Variants in PPP2R5C observed in about 807,000 individuals in gnomAD.
The protein encoded by PPP2R5C is serine/threonine-protein phosphatase 2A 56 kDa regulatory subunit gamma isoform.
In PPP2R5C, 7 loss-of-function variants were observed where a neutral mutation model predicts 68.9. The observed-to-expected ratio is 0.10, with a 90% CI of 0.06 to 0.19. PPP2R5C has a LOEUF of 0.19. Ranked by LOEUF, PPP2R5C falls within the 10% of genes least tolerant of loss-of-function variation. The pLI, the probability that PPP2R5C is intolerant of heterozygous loss-of-function variation, is 1.00. For missense variants in PPP2R5C, 348 were observed against 641.3 expected, an observed-to-expected ratio of 0.54 and a Z score of 4.94; for synonymous variants, 210 against 222.2, an observed-to-expected ratio of 0.95 and a Z score of 0.49.
At chr14:101,854,944 T>G (rs1415446414) in intron 1 of PPP2R5C, among the ~76,000 whole-genome samples, 1 of 152,142 alleles carries the variant, frequency 6.6e-6, no homozygotes, top group Non-Finnish European at 1.5e-5. Flanking sequence ...CCAAGGCAAG[T>G]GGATCACTTG....
intron 3 of PPP2R5C, among the ~76,000 whole-genome samples, chr14:101,793,720 A>C (rs546592828): frequency 3.3e-5 from 5 of 152,330 alleles, no homozygotes; most frequent in African/African-American, 1.2e-4. Flanking sequence ...ACCCATACTC[A>C]TGGCACCCAA....
At chr14:101,924,354 A>G (rs188081421) in intron 13 of PPP2R5C, among the ~76,000 whole-genome samples, 1 of 151,696 alleles carries the variant, frequency 6.6e-6, no homozygotes, top group African/African-American at 2.4e-5. Context: ...AAGAGAGTAT[A>G]TATTTTTTTC....
rs10588262 is a variant in PPP2R5C at position 101,825,211 on chromosome 14, CGTGTGTGTGTGTGTGTGTGTGTGTGT to C, written c.94+15188_94+15213del. ...AGGGATAGGATAAGAGGGTTTTCAG[CGTGTGTGTGTGTGTGTGTGTGTGTGT>C]GTGTGTGTGTGTTGATGAATTTATT... On this transcript the variant is annotated intron_variant, in intron 1 of 13. Coordinates refer to ENST00000334743, the Ensembl canonical transcript of PPP2R5C. The surrounding 1 kb of genome is among the most constrained non-coding windows in gnomAD (Gnocchi z 4.0). Among the ~76,000 whole-genome samples, 1 of 143,004 alleles carries C rather than the reference CGTGTGTGTGTGTGTGTGTGTGTGTGT, an allele frequency of 7.0e-6. No individual in the cohort carries two copies. Among genetic ancestry groups the C allele is most frequent in the Non-Finnish European group, 1.5e-5 (1 of 65,236 alleles). The allele number at this position is 143,004 out of a possible 152,430, so 93.8% of individuals were successfully genotyped here.
intron 1 of PPP2R5C, among the ~76,000 whole-genome samples, chr14:101,853,713 T>C (rs539662637): frequency 1.3e-5 from 2 of 152,320 alleles, no homozygotes; most frequent in South Asian, 2.1e-4. Flanking sequence ...ACCGTGGCCT[T>C]AGGCAAGCTG....
chr14:101,812,444 AG>A (rs947105408), intron 1 of PPP2R5C, among the ~76,000 whole-genome samples: 2 of 152,194 alleles, frequency 1.3e-5, no homozygotes, highest in African/African-American at 4.8e-5. Context: ...TTTAGGAAGG[AG>A]GGGTCTTTCC....
intron 1 of PPP2R5C, among the ~76,000 whole-genome samples, chr14:101,840,482 CAAAAAAAAAAAAAA>C (rs10611025): frequency 5.4e-4 from 28 of 51,864 alleles, no homozygotes; most frequent in Admixed American, 9.0e-4. Flanking sequence ...CCCCCACCAC[CAAAAAAAAAAAAAA>C]AAAAAAAAAA....
intron 13 of PPP2R5C, chr14:101,921,054 C>CTTTTTTTTTTTTTTTTTTTTTTTTTTTTT (rs35320139): frequency 1.9e-5 from 1 of 53,356 alleles, no homozygotes; most frequent in Non-Finnish European, 3.6e-5. Flanking sequence ...ATAAATTCTG[C>CTTTTTTTTTTTTTTTTTTTTTTTTTTTTT]TTTTTTTTTT....
chr14:101,836,591 G>T, intron 1 of PPP2R5C: 1 of 512,400 alleles, frequency 2.0e-6, no homozygotes. Flanking sequence ...GGTGTTGCAT[G>T]CATTTTTCTA....
At chr14:101,821,505 T>A (rs1235614792) in intron 1 of PPP2R5C, among the ~76,000 whole-genome samples, 4 of 151,402 alleles carry the variant, frequency 2.6e-5, no homozygotes, top group Admixed American at 6.6e-5. Context: ...ATAAATAATA[T>A]AAATATGTAT....
intron 2 of PPP2R5C, among the ~76,000 whole-genome samples, chr14:101,775,773 G>A (rs2037386326): frequency 6.6e-6 from 1 of 152,036 alleles, no homozygotes; most frequent in Non-Finnish European, 1.5e-5. Context: ...GGCCCTTCTG[G>A]GCAACACCTT....
chr14:101,784,702 G>C (rs192180807), intron 2 of PPP2R5C, among the ~76,000 whole-genome samples: 2 of 152,340 alleles, frequency 1.3e-5, no homozygotes, highest in African/African-American at 4.8e-5. Flanking sequence ...GTCTCAGAGA[G>C]TGACAGCCTT....
chr14:101,833,383 A>T (rs976933154), intron 1 of PPP2R5C: 1 of 152,360 alleles, frequency 6.6e-6, no homozygotes, highest in East Asian at 1.9e-4. Flanking sequence ...CAAATGTTTG[A>T]AGAAGATAGG....
chr14:101,847,592 G>C (rs1032865590), intron 1 of PPP2R5C, among the ~76,000 whole-genome samples: 4 of 151,560 alleles, frequency 2.6e-5, no homozygotes, highest in Admixed American at 6.6e-5. Context: ...AGTGCCTGGC[G>C]TGTATGTATG....
intron 3 of PPP2R5C, among the ~76,000 whole-genome samples, chr14:101,794,555 G>T (rs537199635): frequency 2.2e-4 from 34 of 152,224 alleles, no homozygotes; most frequent in Admixed American, 1.5e-3. Context: ...TTTTTATTGG[G>T]ATCCTGTTAC....
intron 5 of PPP2R5C, chr14:101,889,827 T>A: frequency 2.7e-6 from 1 of 376,496 alleles, no homozygotes; most frequent in Non-Finnish European, 5.2e-6. Flanking sequence ...CATTGGCCTA[T>A]GTTGAAATAC....
At chr14:101,922,345 C>T (rs899708861) in intron 13 of PPP2R5C, 4 of 286,868 alleles carry the variant, frequency 1.4e-5, no homozygotes, top group African/African-American at 9.2e-5. Context: ...AAAAATTAGC[C>T]GGACGTGGTG....
rs1300172159 is a variant in PPP2R5C at position 101,790,647 on chromosome 14, C to T, written c.259+4464C>T. 3.3e-5 allele frequency among the ~76,000 whole-genome samples: 5 copies of T among 152,348 alleles called. No homozygotes were observed. The East Asian group carries it at 9.6e-4, about 29-fold the overall frequency. On this transcript the variant is annotated intron_variant, in intron 3 of 14. Coordinates refer to the PPP2R5C transcript ENST00000328724. Reference sequence around the variant, plus strand: ...GTTCACCAGTTAATGGACATTTGGGCTGTTTCTTAGCTGGTATGAGTAACA... The same window carrying T: ...GTTCACCAGTTAATGGACATTTGGGTTGTTTCTTAGCTGGTATGAGTAACA...
At position 101,916,975 on chromosome 14, in the gene PPP2R5C, A is replaced by G. The variant is rs188631281; in HGVS notation, c.1327-856A>G. Among the ~76,000 whole-genome samples the G allele has an allele frequency of 7.1e-4, 108 of 152,180 alleles. No homozygotes were observed. Among genetic ancestry groups the G allele is most frequent in the African/African-American group, 2.5e-3 (103 of 41,514 alleles). On this transcript the variant is annotated intron_variant, in intron 12 of 13. Coordinates refer to ENST00000334743, the Ensembl canonical transcript of PPP2R5C. This position sits in a 1 kb window ranked among gnomAD's most constrained non-coding sequence, Gnocchi z 5.5. ...ACACACACGACCACGCAGGACAAAC[A>G]GGCGCCCCACACAGTTCCCAGCTCA...
rs139746163 is a variant in PPP2R5C, at chr14:101,925,402, C to T, written c.*130C>T. On this transcript the variant is annotated 3_prime_UTR_variant, in exon 14 of 14. Coordinates refer to ENST00000334743, the Ensembl canonical transcript of PPP2R5C. Reference sequence around the variant, plus strand: ...TTGGACCCCGTTCCGTAGGCAATAACGTGCGTCCGCCTCAGCGCGAGATTA... The same window carrying T: ...TTGGACCCCGTTCCGTAGGCAATAATGTGCGTCCGCCTCAGCGCGAGATTA... The T allele has an allele frequency of 3.9e-5, 54 of 1,399,286 alleles. No individual in the cohort carries two copies. The African/African-American group carries it at 6.1e-4, about 16-fold the overall frequency. The allele number at this position is 1,399,286 out of a possible 1,614,324, so 86.7% of individuals were successfully genotyped here.
Sources: allele counts gnomAD v4.1 joint callset (sites outside exome capture counted in the v4.1 genomes callset), GRCh38; gene constraint gnomAD v4.1.1; non-coding constraint Gnocchi (gnomAD v3.1); transcripts MANE v1.5; gene names NCBI Gene and HGNC (gene_info 2026-07-23, HGNC 2026-07-21).